PIK3R1: variants seen among roughly 807,000 people sequenced by gnomAD.
PIK3R1 encodes the protein phosphoinositide-3-kinase regulatory subunit 1.
In PIK3R1, 29 loss-of-function variants were observed where a neutral mutation model predicts 98.0. The observed-to-expected ratio is 0.30, with a 90% CI of 0.22 to 0.40. The LOEUF is 0.40. Ranked by LOEUF, PIK3R1 falls within the 10% of genes least tolerant of loss-of-function variation. The probability of loss-of-function intolerance (pLI) is 1.00; values close to 1 mark genes in which losing one functional copy is unlikely to be tolerated. For synonymous variants in PIK3R1, 282 were observed against 311.8 expected (o/e 0.90, Z 1.01); for missense variants, 596 against 872.7 (o/e 0.68, Z 3.99).
intron 7 of PIK3R1, among the ~76,000 whole-genome samples, chr5:68,282,356 T>C (rs1746884328): frequency 6.6e-6 from 1 of 152,014 alleles, no homozygotes; most frequent in African/African-American, 2.4e-5. Flanking sequence ...ACATGGCACT[T>C]AAGTTGAGGT....
At chr5:68,291,123 A>T (rs1294121624) in intron 7 of PIK3R1, 1 of 299,744 alleles carries the variant, frequency 3.3e-6, no homozygotes, top group African/African-American at 2.2e-5. Context: ...TGGGTGAGTT[A>T]TGTTGTGGGA....
intron 2 of PIK3R1, among the ~76,000 whole-genome samples, chr5:68,261,452 T>G (rs1745743725): frequency 6.6e-6 from 1 of 152,196 alleles, no homozygotes; most frequent in Admixed American, 6.5e-5. Flanking sequence ...CAATTGCTTT[T>G]TATTTGATAA....
chr5:68,279,976 G>A (rs1746757636), intron 5 of PIK3R1, among the ~76,000 whole-genome samples: 1 of 152,128 alleles, frequency 6.6e-6, no homozygotes, highest in South Asian at 2.1e-4. Flanking sequence ...TAACCTATTG[G>A]TCTTAACAAA....
chr5:68,276,321 T>C (rs1306783710), intron 4 of PIK3R1, among the ~76,000 whole-genome samples: 1 of 152,130 alleles, frequency 6.6e-6, no homozygotes, highest in Non-Finnish European at 1.5e-5. Flanking sequence ...AGCAGCATTC[T>C]CCCCCAGTTG....
At chr5:68,228,616 TA>T (rs1207073296) in intron 2 of PIK3R1, among the ~76,000 whole-genome samples, 3 of 152,194 alleles carry the variant, frequency 2.0e-5, no homozygotes, top group East Asian at 1.9e-4. Flanking sequence ...TTTCACCTTT[TA>T]TTTTTTTTAA....
intron 2 of PIK3R1, among the ~76,000 whole-genome samples, chr5:68,234,256 C>T (rs1744585195): frequency 6.6e-6 from 1 of 152,092 alleles, no homozygotes; most frequent in African/African-American, 2.4e-5. Context: ...TCCTTCTCTT[C>T]CCAATCAGAA....
chr5:68,295,596 C>A, intron 14 of PIK3R1, 108 bp downstream of exon 14: 1 of 914,344 alleles, frequency 1.1e-6, no homozygotes, highest in Non-Finnish European at 1.8e-6. Flanking sequence ...GAGTTTGGAA[C>A]ATCTTGTAGG....
chr5:68,220,386 G>A (rs984369932), intron 1 of PIK3R1, among the ~76,000 whole-genome samples: 3 of 152,164 alleles, frequency 2.0e-5, no homozygotes, highest in African/African-American at 4.8e-5. Flanking sequence ...GCAGAGAACC[G>A]GAATGGTCAG....
intron 2 of PIK3R1, among the ~76,000 whole-genome samples, chr5:68,261,055 C>A (rs1483252819): frequency 6.6e-6 from 1 of 152,190 alleles, no homozygotes; most frequent in Non-Finnish European, 1.5e-5. Flanking sequence ...TATTTAACTT[C>A]CTTCCCTCCA....
Position 68,273,935 on chromosome 5 carries a change from C to T in PIK3R1, c.428-4C>T. On this transcript the variant is annotated splice_region_variant and splice_polypyrimidine_tract_variant and intron_variant, in intron 3 of 15. Transcript: ENST00000521381. ...CATGGTCTGTGGTCTGTTTTGTGTC[C>T]TAGGTCTGGAATGTTCAACTCTATA... The T allele has an allele frequency of 6.2e-7, 1 of 1,612,358 alleles. No individual in the cohort carries two copies. Among genetic ancestry groups the T allele is most frequent in the Non-Finnish European group, 8.5e-7 (1 of 1,178,480 alleles).
At chr5:68,294,991 T>C (rs991893886) in intron 12 of PIK3R1, among the ~76,000 whole-genome samples, 157 bp from the exon 13 acceptor site, 5 of 143,396 alleles carry the variant, frequency 3.5e-5, no homozygotes, top group African/African-American at 8.0e-5. Context: ...AAATAAAATA[T>C]GTTGAGCCAC....
At chr5:68,216,247 G>A (rs1289041471) in intron 1 of PIK3R1, among the ~76,000 whole-genome samples, 2 of 152,204 alleles carry the variant, frequency 1.3e-5, no homozygotes, top group Non-Finnish European at 2.9e-5. Flanking sequence ...TGCCCCCGGA[G>A]TTGCCGACGA....
chr5:68,295,109 G>A (rs200048249), intron 12 of PIK3R1, 39 bp from the exon 13 acceptor site: 68 of 1,572,828 alleles, frequency 4.3e-5, no homozygotes, highest in Non-Finnish European at 5.5e-5. Context: ...CGTTCCTGAT[G>A]TACCCAGATA....
intron 4 of PIK3R1, among the ~76,000 whole-genome samples, chr5:68,276,543 A>T (rs6860081): frequency 0.29 from 43,865 of 151,944 alleles, 8,196 homozygotes; most frequent in African/African-American, 0.54. Context: ...GAATGCAAAC[A>T]CCTCCAACCC....
At chr5:68,256,989 C>T (rs915624046) in intron 2 of PIK3R1, among the ~76,000 whole-genome samples, 8 of 152,248 alleles carry the variant, frequency 5.3e-5, no homozygotes, top group South Asian at 2.1e-4. Flanking sequence ...AGAGGGAAGA[C>T]GTGCTTTATG....
chr5:68,279,853 C>A, intron 5 of PIK3R1, 120 bp downstream of exon 5: 1 of 885,400 alleles, frequency 1.1e-6, no homozygotes, highest in East Asian at 2.6e-5. Flanking sequence ...CTGTCCCTCC[C>A]CCAACAATAC....
At chr5:68,282,490 T>A (rs1036619772) in intron 7 of PIK3R1, among the ~76,000 whole-genome samples, 1 of 152,080 alleles carries the variant, frequency 6.6e-6, no homozygotes, top group South Asian at 2.1e-4. Context: ...CCAGACAGGG[T>A]TTGACAGATA....
At chr5:68,249,212 C>T (rs764140922) in intron 2 of PIK3R1, among the ~76,000 whole-genome samples, 2 of 152,130 alleles carry the variant, frequency 1.3e-5, no homozygotes, top group African/African-American at 2.4e-5. Context: ...TATATGCTTA[C>T]TCATTATTTA....
chr5:68,288,595 T>A, intron 7 of PIK3R1: 1 of 1,542,400 alleles, frequency 6.5e-7, no homozygotes. Context: ...GCGCGCACTC[T>A]CGGCGCCGGA....
Sources: gnomAD v4.1 joint callset for allele counts (sites outside exome capture counted in the v4.1 genomes callset) on GRCh38, gnomAD v4.1.1 for gene constraint, MANE v1.5 for transcripts, NCBI Gene and HGNC (gene_info 2026-07-23, HGNC 2026-07-21) for gene names.